RAB3IL1: variants seen among roughly 807,000 people sequenced by gnomAD.
The protein encoded by RAB3IL1 is RAB3A interacting protein like 1.
RAB3IL1 carries 37 observed loss-of-function variants against 49.2 expected under a neutral mutation model. The ratio of observed to expected loss-of-function variants is 0.75; its 90% CI spans 0.58 to 0.99. RAB3IL1 has a LOEUF of 0.99. Among genes scored for constraint, RAB3IL1 ranks in the 50% least tolerant of loss-of-function variants. RAB3IL1 has a pLI of 0.00. For missense variants in RAB3IL1, 484 were observed against 513.0 expected (o/e 0.94, Z 0.55); for synonymous variants, 193 against 213.9 (o/e 0.90, Z 0.85).
chr11:61,919,520 G>A (rs1939840627), upstream of RAB3IL1, among the ~76,000 whole-genome samples: 1 of 152,172 alleles, frequency 6.6e-6, no homozygotes, highest in African/African-American at 2.4e-5. Context: ...AGGGGCAGTG[G>A]GGCTGAGTCC....
At chr11:61,899,524 AG>A in intron 8 of RAB3IL1, 144 bp from the exon 9 acceptor site, 1 of 672,558 alleles carries the variant, frequency 1.5e-6, no homozygotes, top group Admixed American at 2.6e-5. Flanking sequence ...TGGGCTTTCA[AG>A]TAGTAATCAA....
chr11:61,935,714 T>C, the RAB3IL1 span, among the ~76,000 whole-genome samples: 3 of 151,746 alleles, frequency 2.0e-5, no homozygotes, highest in Admixed American at 6.6e-5. Flanking sequence ...GGAGTTTCAC[T>C]ATGTTGGCCA....
intron 5 of RAB3IL1, among the ~76,000 whole-genome samples, chr11:61,905,454 G>C (rs1366210954): frequency 6.6e-6 from 1 of 152,066 alleles, no homozygotes; most frequent in Non-Finnish European, 1.5e-5. Context: ...AGGTGGGAGC[G>C]GCCAGGCCGG....
the RAB3IL1 span, among the ~76,000 whole-genome samples, chr11:61,935,345 G>C: frequency 6.6e-6 from 1 of 150,796 alleles, no homozygotes. Context: ...GCTTGAACCC[G>C]TGTGGCAGAG....
intron 9 of RAB3IL1, among the ~76,000 whole-genome samples, 175 bp downstream of exon 9, chr11:61,899,139 C>T (rs1479090727): frequency 1.3e-5 from 2 of 152,212 alleles, no homozygotes; most frequent in African/African-American, 4.8e-5. Context: ...GACTCAGGTA[C>T]AGAGCTCAGC....
chr11:61,906,360 C>G lies in RAB3IL1; in HGVS notation c.657+106G>C, dbSNP rs1939181064. The stretch of plus-strand genomic sequence containing the variant: ...ATCCCAGAGAGGCGCAGGACAGGCT[C>G]CAGGTCACACAGCATGGGGCAGGCT... On this transcript the variant is annotated intron_variant, in intron 5 of 9. Coordinates refer to ENST00000394836, the MANE Select transcript of RAB3IL1 (RefSeq NM_013401.4). The surrounding 1 kb of genome is among the most constrained non-coding windows in gnomAD (Gnocchi z 4.6). 1.9e-6 allele frequency: 2 copies of G among 1,046,072 alleles called. No homozygotes were observed. The highest frequency in any genetic ancestry group is 1.4e-6 in the Non-Finnish European group (1 of 705,286). The allele number at this position is 1,046,072 out of a possible 1,614,324, so 64.8% of individuals were successfully genotyped here. A position where few individuals can be genotyped will look rare whatever the true frequency, so the allele number is the denominator to read the frequency against.
chr11:61,902,347 T>C, intron 8 of RAB3IL1, 95 bp downstream of exon 8: 2 of 991,548 alleles, frequency 2.0e-6, no homozygotes, highest in Admixed American at 2.2e-5. Context: ...TAAATCAAGG[T>C]GTAGTGCTAT....
chr11:61,934,802 C>T, the RAB3IL1 span, among the ~76,000 whole-genome samples: 1 of 151,996 alleles, frequency 6.6e-6, no homozygotes, highest in Non-Finnish European at 1.5e-5. Flanking sequence ...AGATTTTTAT[C>T]ACTGTTCTAG....
intron 4 of RAB3IL1, among the ~76,000 whole-genome samples, 178 bp downstream of exon 4, chr11:61,907,215 G>A (rs1024737418): frequency 2.0e-5 from 3 of 152,166 alleles, no homozygotes; most frequent in Non-Finnish European, 4.4e-5. Flanking sequence ...CGGGACACTG[G>A]GCCCTGTGAT....
chr11:61,904,441 G>C, intron 7 of RAB3IL1, 105 bp downstream of exon 7: 1 of 1,141,174 alleles, frequency 8.8e-7, no homozygotes, highest in Non-Finnish European at 1.3e-6. Context: ...AACTGTCCCT[G>C]TCCTGTCGGC....
At chr11:61,905,106 G>A (rs950972695) in intron 5 of RAB3IL1, among the ~76,000 whole-genome samples, 10 of 152,198 alleles carry the variant, frequency 6.6e-5, no homozygotes, top group African/African-American at 2.2e-4. Context: ...TTTCCAGGCC[G>A]GTGTTAAATT....
rs1939182732 is a variant in RAB3IL1 at position 61,906,401 on chromosome 11, C to T, written c.657+65G>A. Reference sequence around the variant, plus strand: ...GGGGCAGGCTGGTCCTCACTGGGCTCGGACCCTGCCTACCGCAGGCACTGC... The same window carrying T: ...GGGGCAGGCTGGTCCTCACTGGGCTTGGACCCTGCCTACCGCAGGCACTGC... On this transcript the variant is annotated intron_variant, in intron 5 of 9. Transcript: ENST00000394836. The surrounding 1 kb of genome is among the most constrained non-coding windows in gnomAD (Gnocchi z 4.6). 3.5e-6 allele frequency: 5 copies of T among 1,424,882 alleles called. No individual in the cohort carries two copies. The highest frequency in any genetic ancestry group is 1.2e-5 in the South Asian group (1 of 81,176). The allele number at this position is 1,424,882 out of a possible 1,614,324, so 88.3% of individuals were successfully genotyped here. A position where few individuals can be genotyped will look rare whatever the true frequency, so the allele number is the denominator to read the frequency against.
the RAB3IL1 span, among the ~76,000 whole-genome samples, chr11:61,931,116 C>T: frequency 2.0e-5 from 3 of 152,272 alleles, no homozygotes; most frequent in South Asian, 4.1e-4. Flanking sequence ...TAGATCAAAG[C>T]GAACCGATAA....
At chr11:61,909,334 A>G (rs1179689018) in intron 1 of RAB3IL1, among the ~76,000 whole-genome samples, 1 of 152,100 alleles carries the variant, frequency 6.6e-6, no homozygotes, top group Non-Finnish European at 1.5e-5. Flanking sequence ...AGTGAGAGGC[A>G]AGTCTGTGGA....
upstream of RAB3IL1, among the ~76,000 whole-genome samples, chr11:61,920,449 C>CGCTA (rs1939875780): frequency 6.6e-6 from 1 of 151,584 alleles, no homozygotes; most frequent in Non-Finnish European, 1.5e-5. Context: ...GGTGAGACAC[C>CGCTA]TCTAGGGGAG....
the RAB3IL1 span, among the ~76,000 whole-genome samples, chr11:61,944,220 C>CCTTCCT: frequency 2.7e-5 from 1 of 36,996 alleles, no homozygotes; most frequent in African/African-American, 5.0e-5. Context: ...CCTTCCTTCC[C>CCTTCCT]TCCTTCCTTC....
chr11:61,926,481 G>T, the RAB3IL1 span, among the ~76,000 whole-genome samples: 1 of 151,872 alleles, frequency 6.6e-6, no homozygotes, highest in South Asian at 2.1e-4. Flanking sequence ...CCTTGTGGGA[G>T]GTGTTTGGGT....
At chr11:61,930,425 A>G in the RAB3IL1 span, among the ~76,000 whole-genome samples, 1 of 152,232 alleles carries the variant, frequency 6.6e-6, no homozygotes, top group Non-Finnish European at 1.5e-5. Context: ...GCATAAGGAT[A>G]TGGAAAGGGT....
In RAB3IL1 at chr11:61,898,196, C is replaced by A; in HGVS notation, c.*82G>T. On this transcript the variant is annotated 3_prime_UTR_variant, in exon 10 of 10. Transcript: ENST00000394836. This position sits in a 1 kb window ranked among gnomAD's most constrained non-coding sequence, Gnocchi z 5.1. ...CCTCTGGCTCAGGGCTGGCTCCAGG[C>A]CCCCGTCTCCCTGTGTGTCGGCTTG... is the stretch of plus-strand genomic sequence containing the variant. The A allele has an allele frequency of 1.5e-6, 2 of 1,337,994 alleles. No individual in the cohort carries two copies. The highest frequency in any genetic ancestry group is 2.3e-5 in the East Asian group (1 of 43,496). 82.9% of individuals were successfully genotyped at this position (1,337,994 alleles called of 1,614,324 possible).
Sources: allele counts gnomAD v4.1 joint callset (sites outside exome capture counted in the v4.1 genomes callset), GRCh38; gene constraint gnomAD v4.1.1; non-coding constraint Gnocchi (gnomAD v3.1); transcripts MANE v1.5; gene names NCBI Gene and HGNC (gene_info 2026-07-23, HGNC 2026-07-21).